Variants in OR4F15 observed in about 807,000 individuals in gnomAD.
OR4F15 encodes olfactory receptor family 4 subfamily F member 15.
OR4F15 carries 7 observed loss-of-function variants against 11.9 expected under a neutral mutation model. The ratio of observed to expected loss-of-function variants is 0.59; its 90% CI spans 0.33 to 1.10. The LOEUF (loss-of-function observed/expected upper bound fraction) is 1.10, where lower values mean the gene tolerates loss of function less well. Ranked by LOEUF, OR4F15 falls within the 50% of genes least tolerant of loss-of-function variation. The pLI is 0.03. For missense variants in OR4F15, 445 were observed against 377.5 expected, an observed-to-expected ratio of 1.18 and a Z score of -1.48; for synonymous variants, 151 against 134.6, an observed-to-expected ratio of 1.12 and a Z score of -0.84.
At chr15:101,817,528 T>C (rs2141621318) in intron 1 of OR4F15, among the ~76,000 whole-genome samples, 1 of 152,274 alleles carries the variant, frequency 6.6e-6, no homozygotes, top group African/African-American at 2.4e-5. Context: ...TTTATATAAC[T>C]GTGAGAAGCA....
chr15:101,812,469 G>A (rs1426474432), intron 1 of OR4F15, among the ~76,000 whole-genome samples, 197 bp downstream of exon 1: 1 of 152,188 alleles, frequency 6.6e-6, no homozygotes, highest in African/African-American at 2.4e-5. Context: ...TCTGCACTGT[G>A]GCTTGGTTCA....
At chr15:101,813,852 AGAT>A (rs1902945544) in intron 1 of OR4F15, among the ~76,000 whole-genome samples, 1 of 152,234 alleles carries the variant, frequency 6.6e-6, no homozygotes, top group Non-Finnish European at 1.5e-5. Context: ...TAGTGTAAAT[AGAT>A]GATAACTATA....
intron 1 of OR4F15, among the ~76,000 whole-genome samples, chr15:101,816,430 A>G (rs1902990046): frequency 6.6e-6 from 1 of 152,048 alleles, no homozygotes. Flanking sequence ...CATTTTATTG[A>G]TTTTAGCTCT....
In OR4F15 at chr15:101,818,518, A is replaced by T. The variant is rs764483385; in HGVS notation, c.332A>T (p.Glu111Val). ...TTTAGCCATGCTCTTGGGGGCACTG[A>T]GATGGTGCTGCTCATAGCCATGGCC... ...IFFSHALGGTEMVLLIAMAFD... is the reference protein window; with the variant it reads ...IFFSHALGGTVMVLLIAMAFD... The change falls in exon 2 of 2, where the codon GAG becomes GTG. Residue 111 changes from glutamate to valine, a missense_variant. Physicochemically the swap from Glu to Val is moderately radical, Grantham distance 121 (BLOSUM62 -2). Transcript: ENST00000332238. 3 of 1,614,032 alleles carry T rather than the reference A, an allele frequency of 1.9e-6. No homozygotes were observed. The South Asian group carries it at 3.3e-5, about 18-fold the overall frequency.
chr15:101,818,685 C>G lies in OR4F15; in HGVS notation c.499C>G (p.Pro167Ala), dbSNP rs865882670. The G allele has an allele frequency of 6.2e-7, 1 of 1,613,986 alleles. No individual in the cohort carries two copies. The highest frequency in any genetic ancestry group is 1.3e-5 in the African/African-American group (1 of 74,904). The change falls in exon 2 of 2, where the codon CCT becomes GCT. Residue 167 changes from proline (P) to alanine (A), a missense_variant. Pro to Ala is a conservative substitution (Grantham distance 27). Coordinates refer to ENST00000332238, the MANE Select transcript of OR4F15 (RefSeq NM_001001674.2). ...CCAATTAGTTTTTGTGGTAGATTTA[C>G]CTTTTTGTGGTCCTAATATCTTTGA... Reference protein sequence around the residue: ...LVQLVFVVDLPFCGPNIFDSF... With the variant: ...LVQLVFVVDLAFCGPNIFDSF...
chr15:101,816,870 AATC>A (rs1268924581), intron 1 of OR4F15, among the ~76,000 whole-genome samples: 1 of 152,138 alleles, frequency 6.6e-6, no homozygotes, highest in Non-Finnish European at 1.5e-5. Context: ...TCCATTACTC[AATC>A]ATCATCTTCT....
rs149112955 is a variant in OR4F15, at chr15:101,819,434, G to A, written c.*309G>A. On this transcript the variant is annotated 3_prime_UTR_variant, in exon 2 of 2. Coordinates refer to ENST00000332238, the MANE Select transcript of OR4F15 (RefSeq NM_001001674.2). ...TGTCTTTTATTTTTTCTACTGGACA[G>A]ATTATTCTATTGATAGACAAACTAC... 8.8e-4 allele frequency: 206 copies of A among 234,222 alleles called. No individual in the cohort carries two copies. Among genetic ancestry groups the A allele is most frequent in the African/African-American group, 4.3e-3 (190 of 43,892 alleles). 14.5% of individuals were successfully genotyped at this position (234,222 alleles called of 1,614,324 possible).
In OR4F15 at chr15:101,816,951, C is replaced by T. The variant is rs557104448; in HGVS notation, c.-37-1199C>T. ...ATATTTTATTTCTGTCCCTTTTATT[C>T]GCTCCAAATGTATTTTGATAAAAAA... On this transcript the variant is annotated intron_variant, in intron 1 of 1. Transcript: ENST00000332238. 4.6e-5 allele frequency among the ~76,000 whole-genome samples: 7 copies of T among 152,182 alleles called. No homozygotes were observed. In the East Asian group the frequency reaches 5.8e-4, roughly 13 times the overall value.
Position 101,819,448 on chromosome 15 carries a change from TAGAC to T in OR4F15, c.*325_*328del, listed in dbSNP as rs1320724463. 2 of 208,966 alleles carry T rather than the reference TAGAC, an allele frequency of 9.6e-6. No homozygotes were observed. The highest frequency in any genetic ancestry group is 4.6e-5 in the African/African-American group (2 of 43,058). 12.9% of individuals were successfully genotyped at this position (208,966 alleles called of 1,614,324 possible). A position where few individuals can be genotyped will look rare whatever the true frequency, so the allele number is the denominator to read the frequency against. The stretch of plus-strand genomic sequence containing the variant: ...TCTACTGGACAGATTATTCTATTGA[TAGAC>T]AAACTACACATTCAATCTGTTTACC... On this transcript the variant is annotated 3_prime_UTR_variant, in exon 2 of 2. Transcript: ENST00000332238.
Position 101,818,927 on chromosome 15 carries a change from C to T in OR4F15, c.741C>T (p.Val247=). 6.2e-7 allele frequency: 1 copy of T among 1,614,122 alleles called. No homozygotes were observed. Among genetic ancestry groups the T allele is most frequent in the Non-Finnish European group, 8.5e-7 (1 of 1,180,014 alleles). The change falls in exon 2 of 2, where the codon GTC becomes GTT. Residue 247 remains valine (V), a synonymous_variant. Transcript: ENST00000332238. Reference sequence around the variant, plus strand: ...CCCTGTCAGCTCATGTCACTGTGGTCATCTTGTTCTTTGGGCCACTGATGT... The same window carrying T: ...CCCTGTCAGCTCATGTCACTGTGGTTATCTTGTTCTTTGGGCCACTGATGT... The part of the protein sequence containing the change: ...LSTLSAHVTV[V]ILFFGPLMFF...
At chr15:101,817,811 T>C (rs915902257) in intron 1 of OR4F15, among the ~76,000 whole-genome samples, 4 of 152,182 alleles carry the variant, frequency 2.6e-5, no homozygotes, top group Non-Finnish European at 5.9e-5. Context: ...ATCATATCCA[T>C]TGATAAGAAA....
At position 101,819,268 on chromosome 15, in the gene OR4F15, A is replaced by G. The variant is rs1241871470; in HGVS notation, c.*143A>G. The G allele has an allele frequency of 6.5e-6, 4 of 610,882 alleles. No individual in the cohort carries two copies. The highest frequency in any genetic ancestry group is 8.6e-6 in the Non-Finnish European group (3 of 350,442). 37.8% of individuals were successfully genotyped at this position (610,882 alleles called of 1,614,324 possible). On this transcript the variant is annotated 3_prime_UTR_variant, in exon 2 of 2. Transcript: ENST00000332238. ...ATGAAATCATGGTAACAATTTCACC[A>G]TTAAATTAGAAGTGATGTTATCCTT...
intron 1 of OR4F15, among the ~76,000 whole-genome samples, chr15:101,817,162 T>G (rs1462315864): frequency 6.6e-6 from 1 of 152,230 alleles, no homozygotes; most frequent in Non-Finnish European, 1.5e-5. Flanking sequence ...TTTTATTGAC[T>G]ATTTAAAATG....
At position 101,819,931 on chromosome 15, in the gene OR4F15, A is replaced by T. The variant is rs1419876989; in HGVS notation, c.*806A>T. On this transcript the variant is annotated 3_prime_UTR_variant, in exon 2 of 2. Transcript: ENST00000332238. ...ATCAGGCTTCTTTGGCCATCTACAA[A>T]ATTGTTAGTCCTATATTTAGAATAT... The T allele has an allele frequency of 6.6e-6, 1 of 152,180 alleles. No homozygotes were observed. 9.4% of individuals were successfully genotyped at this position (152,180 alleles called of 1,614,324 possible).
At position 101,819,112 on chromosome 15, in the gene OR4F15, C is replaced by T; in HGVS notation, c.926C>T (p.Thr309Ile). 6.2e-7 allele frequency: 1 copy of T among 1,600,604 alleles called. No individual in the cohort carries two copies. Among genetic ancestry groups the T allele is most frequent in the Non-Finnish European group, 8.5e-7 (1 of 1,171,484 alleles). Residue 309 changes from threonine (T) to isoleucine (I), a missense_variant, in exon 2 of 2, where the codon ACA becomes ATA. Transcript: ENST00000332238. ...CTGTGCAGTCGTCTTGCGCATTTTA[C>T]AAAGATTTTGTAAATGGCTTGGCTG... ...RRLCSRLAHFTKIL is the reference protein window; with the variant it reads ...RRLCSRLAHFIKIL
intron 1 of OR4F15, among the ~76,000 whole-genome samples, chr15:101,816,332 A>G (rs1902988475): frequency 6.6e-6 from 1 of 152,154 alleles, no homozygotes; most frequent in Admixed American, 6.6e-5. Context: ...ATCCTCTAGA[A>G]GCTGGAAAAG....
In OR4F15 at chr15:101,819,281, T is replaced by G. The variant is rs1596374523; in HGVS notation, c.*156T>G. 1.7e-6 allele frequency: 1 copy of G among 601,050 alleles called. No individual in the cohort carries two copies. Among genetic ancestry groups the G allele is most frequent in the East Asian group, 2.8e-5 (1 of 36,222 alleles). The allele number at this position is 601,050 out of a possible 1,614,324, so 37.2% of individuals were successfully genotyped here. ...AACAATTTCACCATTAAATTAGAAG[T>G]GATGTTATCCTTTGGCACAGTGTGC... On this transcript the variant is annotated 3_prime_UTR_variant, in exon 2 of 2. Coordinates refer to ENST00000332238, the MANE Select transcript of OR4F15 (RefSeq NM_001001674.2).
At chr15:101,814,942 G>A (rs1384958779) in intron 1 of OR4F15, among the ~76,000 whole-genome samples, 1 of 152,080 alleles carries the variant, frequency 6.6e-6, no homozygotes, top group Non-Finnish European at 1.5e-5. Context: ...CAGTTTGGAG[G>A]AAGCACCACA....
intron 1 of OR4F15, among the ~76,000 whole-genome samples, chr15:101,815,395 T>G (rs1902971287): frequency 2.6e-5 from 4 of 151,264 alleles, no homozygotes; most frequent in Admixed American, 2.6e-4. Context: ...ATGTGAAACA[T>G]GACCCCACCA....
Sources: allele counts gnomAD v4.1 joint callset (sites outside exome capture counted in the v4.1 genomes callset), GRCh38; gene constraint gnomAD v4.1.1; transcripts MANE v1.5; gene names NCBI Gene and HGNC (gene_info 2026-07-23, HGNC 2026-07-21).